Variants in TMBIM1 observed in about 807,000 individuals in gnomAD.
TMBIM1 encodes protein lifeguard 3.
TMBIM1 carries 34 observed loss-of-function variants against 45.1 expected under a neutral mutation model. That is an observed-to-expected ratio of 0.75 (90% CI 0.57 to 1.00). TMBIM1 has a LOEUF of 1.00. Among genes scored for constraint, TMBIM1 ranks in the 50% least tolerant of loss-of-function variants. TMBIM1 has a pLI of 0.00. For synonymous variants in TMBIM1, 157 were observed against 153.5 expected (o/e 1.02, Z -0.17); for missense variants, 374 against 402.4 (o/e 0.93, Z 0.60).
intron 1 of TMBIM1, among the ~76,000 whole-genome samples, chr2:218,282,452 GGA>G (rs1692115672): frequency 6.6e-6 from 1 of 152,246 alleles, no homozygotes; most frequent in Non-Finnish European, 1.5e-5. Flanking sequence ...GATTCGCTGA[GGA>G]GAGAGGGAAC....
chr2:218,289,985 G>T (rs947497535), intron 1 of TMBIM1: 11 of 152,206 alleles, frequency 7.2e-5, no homozygotes, highest in African/African-American at 2.7e-4. Flanking sequence ...TGAACTAGCT[G>T]CAGGAATCCA....
At position 218,290,232 on chromosome 2, in the gene TMBIM1, CCT is replaced by C. The variant is rs771319516; in HGVS notation, c.-41+2232_-41+2233del. ...GAAATTCACAATGGCATATTCTGCC[CCT>C]GAGAAGTCCTGCAGTAAGCAACCCT... On this transcript the variant is annotated intron_variant, in intron 1 of 11. Coordinates refer to ENST00000258412, the MANE Select transcript of TMBIM1 (RefSeq NM_022152.6). 4 of 152,340 alleles carry C rather than the reference CCT, an allele frequency of 2.6e-5. No homozygotes were observed. In the East Asian group the frequency reaches 7.7e-4, roughly 29 times the overall value. The allele number at this position is 152,340 out of a possible 1,614,324, so 9.4% of individuals were successfully genotyped here.
rs369049211 is a variant in TMBIM1 at position 218,280,175 on chromosome 2, G to A, written c.203-49C>T. ...CAGCTGGGGACCTGAGACATGTGGC[G>A]TCAATCCCAAAGCCTCCCTGACAAT... is the stretch of plus-strand genomic sequence containing the variant. On this transcript the variant is annotated intron_variant, in intron 2 of 11. Transcript: ENST00000258412. The A allele has an allele frequency of 4.1e-5, 56 of 1,367,878 alleles. 1 individual carries two copies. Among genetic ancestry groups the A allele is most frequent in the Middle Eastern group, 3.6e-4 (2 of 5,630 alleles). The allele number at this position is 1,367,878 out of a possible 1,614,324, so 84.7% of individuals were successfully genotyped here. A position where few individuals can be genotyped will look rare whatever the true frequency, so the allele number is the denominator to read the frequency against.
At chr2:218,276,187 A>T in intron 10 of TMBIM1, 108 bp from the exon 11 acceptor site, 1 of 1,198,260 alleles carries the variant, frequency 8.3e-7, no homozygotes, top group Non-Finnish European at 1.2e-6. Flanking sequence ...AGAGCTGGGA[A>T]GCTAGCTCTC....
chr2:218,279,057 C>T lies in TMBIM1; in HGVS notation c.403G>A (p.Ala135Thr). The T allele has an allele frequency of 4.3e-6, 7 of 1,614,160 alleles. No homozygotes were observed. The highest frequency in any genetic ancestry group is 5.9e-6 in the Non-Finnish European group (7 of 1,180,018). Residue 135 changes from alanine to threonine, a missense_variant, in exon 5 of 12, where the codon GCT becomes ACT. Physicochemically the swap from Ala to Thr is moderately conservative, Grantham distance 58. Coordinates refer to ENST00000258412, the MANE Select transcript of TMBIM1 (RefSeq NM_022152.6). ...PVSAFVRRNV[A>T]VYYVSYAVFV... ...ACTCACTAGGACACGTAGTAGACAG[C>T]CACATTTCTCCTCACAAAGGCGCTG...
intron 7 of TMBIM1, 70 bp from the exon 8 acceptor site, chr2:218,277,740 C>T: frequency 6.3e-7 from 1 of 1,599,480 alleles, no homozygotes; most frequent in Admixed American, 1.7e-5. Flanking sequence ...GGGGAGTGGC[C>T]ATGGTGGCCT....
chr2:218,280,310 C>T (rs754056277), intron 2 of TMBIM1, 184 bp from the exon 3 acceptor site: 68 of 561,348 alleles, frequency 1.2e-4, no homozygotes, highest in Non-Finnish European at 2.0e-4. Flanking sequence ...CGGCCTGTCA[C>T]GAGGGGGCTT....
intron 6 of TMBIM1, 181 bp from the exon 7 acceptor site, chr2:218,278,155 A>T: frequency 1.5e-6 from 1 of 657,474 alleles, no homozygotes; most frequent in Non-Finnish European, 2.6e-6. Context: ...ACATGGGCCA[A>T]TGAGACAGAC....
intron 3 of TMBIM1, among the ~76,000 whole-genome samples, 160 bp downstream of exon 3, chr2:218,279,866 A>G (rs1691689458): frequency 6.6e-6 from 1 of 152,212 alleles, no homozygotes; most frequent in African/African-American, 2.4e-5. Flanking sequence ...CTGGGGTTAG[A>G]GAAGCCAGGT....
At chr2:218,279,377 G>T in intron 3 of TMBIM1, 24 bp from the exon 4 acceptor site, 3 of 1,537,726 alleles carry the variant, frequency 2.0e-6, no homozygotes, top group East Asian at 4.6e-5. Flanking sequence ...GCCGGGCATG[G>T]GTCACCATCC....
At chr2:218,292,246 C>T (rs898659143) in intron 1 of TMBIM1, among the ~76,000 whole-genome samples, 1 of 152,246 alleles carries the variant, frequency 6.6e-6, no homozygotes, top group Non-Finnish European at 1.5e-5. Context: ...TAACCAGGTG[C>T]CACAGACCCG....
rs1691574435 is a variant in TMBIM1, at chr2:218,279,073, A to T, written c.387T>A (p.Phe129Leu). 6.2e-7 allele frequency: 1 copy of T among 1,613,992 alleles called. No homozygotes were observed. Among genetic ancestry groups the T allele is most frequent in the African/African-American group, 1.3e-5 (1 of 74,916 alleles). Residue 129 changes from phenylalanine to leucine, a missense_variant, in exon 5 of 12, where the codon TTT becomes TTA. Transcript: ENST00000258412. ...IFTFVEPVSA[F>L]VRRNVAVYYV... ...AGTAGACAGCCACATTTCTCCTCAC[A>T]AAGGCGCTGACAGGTTCCCTGTGGG...
intron 1 of TMBIM1, among the ~76,000 whole-genome samples, chr2:218,288,048 T>C (rs1692659139): frequency 6.6e-6 from 1 of 152,226 alleles, no homozygotes; most frequent in African/African-American, 2.4e-5. Flanking sequence ...CTTCCTTCTT[T>C]GTTTCATCTC....
In TMBIM1 at chr2:218,275,613, A is replaced by G; in HGVS notation, c.798T>C (p.Ala266=). Reference sequence around the variant, plus strand: ...TCCCCAGGACCAGCTGTGTGTCGTAAGCCAGGAACTGCAAGGATAGGGAAG... The same window carrying G: ...TCCCCAGGACCAGCTGTGTGTCGTAGGCCAGGAACTGCAAGGATAGGGAAG... ...LGAICFTLFL[A]YDTQLVLGNR... is the part of the protein sequence containing the mutation. Residue 266 remains alanine (A), a synonymous_variant, in exon 12 of 12, where the codon GCT becomes GCC. Coordinates refer to ENST00000258412, the MANE Select transcript of TMBIM1 (RefSeq NM_022152.6). The G allele has an allele frequency of 6.2e-7, 1 of 1,611,242 alleles. No individual in the cohort carries two copies. Among genetic ancestry groups the G allele is most frequent in the Non-Finnish European group, 8.5e-7 (1 of 1,179,074 alleles).
chr2:218,279,385 T>C (rs1408770225), intron 3 of TMBIM1, 32 bp from the exon 4 acceptor site: 3 of 1,527,852 alleles, frequency 2.0e-6, no homozygotes, highest in East Asian at 4.6e-5. Flanking sequence ...TGGGTCACCA[T>C]CCGGCACCCC....
rs7585702 is a variant in TMBIM1 at position 218,281,884 on chromosome 2, T to C, written c.202+56A>G. ...AAAGGGGCAGGAGGCGGTGGCCTCATCTGCTCCAAGTGCTGTCCCTCCCAC... is the reference window on the plus strand; with the variant it reads ...AAAGGGGCAGGAGGCGGTGGCCTCACCTGCTCCAAGTGCTGTCCCTCCCAC... On this transcript the variant is annotated intron_variant, in intron 2 of 11. Transcript: ENST00000258412. 0.39 allele frequency: 558,726 copies of C among 1,432,544 alleles called. 110,591 individuals are homozygous for C. The highest frequency in any genetic ancestry group is 0.49 in the Middle Eastern group (2,249 of 4,592). The allele number at this position is 1,432,544 out of a possible 1,614,324, so 88.7% of individuals were successfully genotyped here. A position where few individuals can be genotyped will look rare whatever the true frequency, so the allele number is the denominator to read the frequency against.
rs375219103 is a variant in TMBIM1, at chr2:218,280,017, G to T, written c.303+9C>A. On this transcript the variant is annotated intron_variant, in intron 3 of 11. Transcript: ENST00000258412. ...CCCAGGTACACCCACCTCCCAGCGC[G>T]TATCTTACCTTTCGGATAAAAGTGT... 1.9e-6 allele frequency: 3 copies of T among 1,612,550 alleles called. No homozygotes were observed. The highest frequency in any genetic ancestry group is 2.7e-5 in the African/African-American group (2 of 75,002).
intron 1 of TMBIM1, among the ~76,000 whole-genome samples, chr2:218,290,420 T>G (rs1197811295): frequency 6.6e-6 from 1 of 152,198 alleles, no homozygotes; most frequent in Non-Finnish European, 1.5e-5. Flanking sequence ...TCCTCGTCTC[T>G]TATAACCTCT....
At chr2:218,282,454 AGAGAGG>A (rs1692116231) in intron 1 of TMBIM1, among the ~76,000 whole-genome samples, 2 of 152,214 alleles carry the variant, frequency 1.3e-5, no homozygotes, top group Admixed American at 1.3e-4. Context: ...TTCGCTGAGG[AGAGAGG>A]GAACCAGGGA....
Sources: gnomAD v4.1 joint callset for allele counts (sites outside exome capture counted in the v4.1 genomes callset) on GRCh38, gnomAD v4.1.1 for gene constraint, MANE v1.5 for transcripts, NCBI Gene and HGNC (gene_info 2026-07-23, HGNC 2026-07-21) for gene names.